Variants in ZNF438 observed in about 807,000 individuals in gnomAD.
ZNF438 encodes the protein zinc finger protein 438.
A neutral mutation model predicts 38.0 loss-of-function variants in ZNF438; 25 were observed. That is an observed-to-expected ratio of 0.66 (90% CI 0.48 to 0.92). ZNF438 has a LOEUF of 0.92. Among genes scored for constraint, ZNF438 ranks in the 40% least tolerant of loss-of-function variants. The probability of loss-of-function intolerance (pLI) is 0.00; values close to 1 mark genes in which losing one functional copy is unlikely to be tolerated. For synonymous variants in ZNF438, 372 were observed against 364.1 expected (o/e 1.02, Z -0.25); for missense variants, 1,007 against 999.6 (o/e 1.01, Z -0.10).
chr10:30,920,816 T>A (rs2044211762), intron 2 of ZNF438: 1 of 152,230 alleles, frequency 6.6e-6, no homozygotes, highest in African/African-American at 2.4e-5. Flanking sequence ...TTGGTTTAGA[T>A]ACTGCAACTC....
intron 4 of ZNF438, among the ~76,000 whole-genome samples, chr10:30,859,314 G>C (rs758537872): frequency 5.3e-5 from 8 of 152,098 alleles, no homozygotes; most frequent in Non-Finnish European, 1.2e-4. Context: ...CTGGACTTAA[G>C]CAATCCACCT....
intron 3 of ZNF438, among the ~76,000 whole-genome samples, chr10:30,879,547 A>C (rs1339465540): frequency 6.6e-6 from 1 of 152,258 alleles, no homozygotes; most frequent in Admixed American, 6.5e-5. Flanking sequence ...GACATATATT[A>C]GAATTAGCAG....
At chr10:30,970,963 G>A (rs2050676531) in intron 1 of ZNF438, among the ~76,000 whole-genome samples, 1 of 152,176 alleles carries the variant, frequency 6.6e-6, no homozygotes, top group Non-Finnish European at 1.5e-5. Context: ...CAGCTTTCTG[G>A]TTTAGCAAGC....
chr10:30,851,267 T>C (rs1272621101), intron 4 of ZNF438, among the ~76,000 whole-genome samples: 9 of 152,262 alleles, frequency 5.9e-5, no homozygotes, highest in African/African-American at 1.2e-4. Context: ...TAGCCTGACC[T>C]AAGATCAATT....
chr10:30,853,824 G>A (rs894069815), intron 4 of ZNF438, among the ~76,000 whole-genome samples: 30 of 152,038 alleles, frequency 2.0e-4, no homozygotes, highest in African/African-American at 6.0e-4. Flanking sequence ...TGGTGAAACC[G>A]TTTCTACTAA....
At chr10:30,937,689 A>G (rs2046398693) in intron 2 of ZNF438, among the ~76,000 whole-genome samples, 1 of 152,250 alleles carries the variant, frequency 6.6e-6, no homozygotes, top group Non-Finnish European at 1.5e-5. Context: ...TGCTGAGGTC[A>G]AGGCTGACAT....
intron 2 of ZNF438, among the ~76,000 whole-genome samples, chr10:30,917,921 G>T (rs551756439): frequency 2.4e-4 from 36 of 152,064 alleles, no homozygotes; most frequent in African/African-American, 8.4e-4. Context: ...TCTTAAATTC[G>T]TATGGCTTTA....
At chr10:30,971,845 A>G (rs2050772651) in intron 1 of ZNF438, among the ~76,000 whole-genome samples, 2 of 152,204 alleles carry the variant, frequency 1.3e-5, no homozygotes. Flanking sequence ...TCAAGGTGCA[A>G]AGAGGCTTTC....
At chr10:30,903,730 T>C (rs73249074) in intron 3 of ZNF438, among the ~76,000 whole-genome samples, 1,827 of 152,306 alleles carry the variant, frequency 0.012, 44 homozygotes, top group African/African-American at 0.042. Context: ...AAGGAAAATA[T>C]AGCCAACATT....
intron 1 of ZNF438, among the ~76,000 whole-genome samples, chr10:31,027,107 G>T: frequency 6.9e-6 from 1 of 144,472 alleles, no homozygotes; most frequent in Non-Finnish European, 1.5e-5. Flanking sequence ...TCGGGGGAGG[G>T]GGAAGGGATA....
intron 4 of ZNF438, among the ~76,000 whole-genome samples, chr10:30,866,111 C>T (rs973337558): frequency 2.0e-5 from 3 of 152,130 alleles, no homozygotes; most frequent in Non-Finnish European, 4.4e-5. Flanking sequence ...AAAAGCAGTA[C>T]AAAATTTTAG....
chr10:30,853,847 T>C (rs779316475), intron 4 of ZNF438, among the ~76,000 whole-genome samples: 2 of 151,642 alleles, frequency 1.3e-5, no homozygotes, highest in Non-Finnish European at 2.9e-5. Context: ...ATACAAAAAT[T>C]AGCCGAGTGT....
At chr10:31,015,248 A>G (rs571108211) in intron 1 of ZNF438, among the ~76,000 whole-genome samples, 1 of 152,288 alleles carries the variant, frequency 6.6e-6, no homozygotes, top group East Asian at 1.9e-4. Context: ...TATTACTATT[A>G]TTATCAATAT....
chr10:30,854,358 C>CTTCCCTAGAATTCCTAGAGG (rs1010758311), intron 4 of ZNF438, among the ~76,000 whole-genome samples: 1 of 152,170 alleles, frequency 6.6e-6, no homozygotes, highest in Non-Finnish European at 1.5e-5. Context: ...TACTGCCTGG[C>CTTCCCTAGAATTCCTAGAGG]TTCCCTAGAA....
chr10:30,892,495 T>C (rs1198140662), intron 3 of ZNF438, among the ~76,000 whole-genome samples: 1 of 152,120 alleles, frequency 6.6e-6, no homozygotes, highest in Non-Finnish European at 1.5e-5. Context: ...CATTTATATA[T>C]TAAGAATTTA....
chr10:30,848,090 A>G (rs1189405609), intron 5 of ZNF438, among the ~76,000 whole-genome samples: 1 of 152,254 alleles, frequency 6.6e-6, no homozygotes, highest in African/African-American at 2.4e-5. Context: ...GAATGACACC[A>G]GAAAGAGTGA....
chr10:30,991,356 T>C (rs1263878923), intron 1 of ZNF438, among the ~76,000 whole-genome samples: 1 of 152,164 alleles, frequency 6.6e-6, no homozygotes, highest in South Asian at 2.1e-4. Context: ...CAGCCCTCAT[T>C]TGTGGGGCAA....
intron 1 of ZNF438, among the ~76,000 whole-genome samples, chr10:30,959,594 A>AG (rs1479645590): frequency 6.9e-6 from 1 of 144,130 alleles, no homozygotes; most frequent in African/African-American, 2.5e-5. Flanking sequence ...AAAAAAAAAA[A>AG]AAAATTAGCC....
chr10:30,890,083 CAAAAAAAAAAAAAAAAA>C (rs71863439), intron 3 of ZNF438, among the ~76,000 whole-genome samples: 1 of 93,382 alleles, frequency 1.1e-5, no homozygotes, highest in Non-Finnish European at 2.3e-5. Context: ...TTGGCATTTC[CAAAAAAAAAAAAAAAAA>C]AAAGAAAAAA....
Sources: gnomAD v4.1 joint callset for allele counts (sites outside exome capture counted in the v4.1 genomes callset) on GRCh38, gnomAD v4.1.1 for gene constraint, MANE v1.5 for transcripts, NCBI Gene and HGNC (gene_info 2026-07-23, HGNC 2026-07-21) for gene names.